PTPN2: variants seen among roughly 807,000 people sequenced by gnomAD.
PTPN2 encodes tyrosine-protein phosphatase non-receptor type 2.
A neutral mutation model predicts 57.3 loss-of-function variants in PTPN2; 19 were observed. That is an observed-to-expected ratio of 0.33 (90% confidence interval 0.23 to 0.49). The LOEUF (loss-of-function observed/expected upper bound fraction) is 0.49, where lower values mean the gene tolerates loss of function less well. PTPN2 is among the 20% of genes least tolerant of loss of function. PTPN2 has a pLI of 0.99. For synonymous variants in PTPN2, 153 were observed against 164.9 expected (o/e 0.93, Z 0.55); for missense variants, 358 against 501.1 (o/e 0.71, Z 2.73).
intron 5 of PTPN2, chr18:12,819,162 A>T: frequency 1.3e-6 from 1 of 790,192 alleles, no homozygotes; most frequent in Non-Finnish European, 1.9e-6. Context: ...TCAGTATATA[A>T]GGTATAATAC....
At chr18:12,871,397 A>G (rs192669705) in intron 1 of PTPN2, among the ~76,000 whole-genome samples, 5 of 152,294 alleles carry the variant, frequency 3.3e-5, no homozygotes, top group African/African-American at 1.2e-4. Flanking sequence ...TTATAGTCAT[A>G]ATTTGAAATT....
intron 1 of PTPN2, among the ~76,000 whole-genome samples, chr18:12,859,787 T>A (rs187039834): frequency 3.3e-5 from 5 of 152,274 alleles, no homozygotes; most frequent in Admixed American, 1.3e-4. Flanking sequence ...CCCAGAAATA[T>A]CCTCAAATTT....
chr18:12,814,769 A>G (rs2042011002), intron 6 of PTPN2, among the ~76,000 whole-genome samples: 1 of 151,846 alleles, frequency 6.6e-6, no homozygotes. Context: ...TACAGACACG[A>G]TGTCTGGATA....
rs2043246283 is a variant in PTPN2, at chr18:12,847,387, G to C, written c.161-10496C>G. 2.6e-5 allele frequency among the ~76,000 whole-genome samples: 4 copies of C among 152,084 alleles called. No homozygotes were observed. In the South Asian group the frequency reaches 8.3e-4, roughly 31 times the overall value. On this transcript the variant is annotated intron_variant, in intron 2 of 8. Transcript: ENST00000309660. ...CATGAACCCTAGTTCTATATTTTGG[G>C]CTTAACACAGGATAAAGAACTCTTT... is the stretch of plus-strand genomic sequence containing the variant.
downstream of PTPN2, among the ~76,000 whole-genome samples, chr18:12,790,116 T>A (rs1043346695): frequency 2.0e-5 from 3 of 151,996 alleles, no homozygotes; most frequent in Non-Finnish European, 4.4e-5. Flanking sequence ...CTTTTTTTTT[T>A]AAGTAGAGAC....
intron 7 of PTPN2, among the ~76,000 whole-genome samples, chr18:12,810,669 T>C (rs1208667694): frequency 6.6e-6 from 1 of 152,186 alleles, no homozygotes; most frequent in Non-Finnish European, 1.5e-5. Flanking sequence ...TTCTACAGTT[T>C]GTTGTGTTTG....
intron 1 of PTPN2, chr18:12,863,447 A>C (rs2043881921): frequency 6.7e-6 from 1 of 149,766 alleles, no homozygotes; most frequent in African/African-American, 2.4e-5. Context: ...CAACAGAGTA[A>C]GGCCCTGTTA....
At chr18:12,883,795 C>A in intron 1 of PTPN2, 1 of 315,160 alleles carries the variant, frequency 3.2e-6, no homozygotes, top group Non-Finnish European at 5.8e-6. Context: ...ACGCGCTCCC[C>A]AAGAAGCCGC....
At chr18:12,868,974 A>C (rs1354009706) in intron 1 of PTPN2, 1 of 151,992 alleles carries the variant, frequency 6.6e-6, no homozygotes, top group Non-Finnish European at 1.5e-5. Context: ...ACATGGCAAA[A>C]CCCTGTCTCT....
At chr18:12,840,651 T>G (rs573967779) in intron 2 of PTPN2, 1 of 1,559,318 alleles carries the variant, frequency 6.4e-7, no homozygotes, top group African/African-American at 1.3e-5. Flanking sequence ...AGTCAAGTCA[T>G]CACAAGTGTA....
chr18:12,873,816 C>T (rs1318521739), intron 1 of PTPN2, among the ~76,000 whole-genome samples: 12 of 152,106 alleles, frequency 7.9e-5, no homozygotes, highest in Admixed American at 5.9e-4. Flanking sequence ...CATCTCTGCC[C>T]GGCCGCCATC....
At chr18:12,857,882 T>C (rs536953597) in intron 2 of PTPN2, among the ~76,000 whole-genome samples, 51 of 152,364 alleles carry the variant, frequency 3.3e-4, no homozygotes, top group Middle Eastern at 3.4e-3. Context: ...TAGTATTTAA[T>C]AGTAATTTAT....
intron 4 of PTPN2, among the ~76,000 whole-genome samples, chr18:12,829,214 G>C (rs2042581842): frequency 6.6e-6 from 1 of 151,092 alleles, no homozygotes; most frequent in Non-Finnish European, 1.5e-5. Flanking sequence ...ACTATTAAAG[G>C]TTTGTTAAAA....
chr18:12,802,708 T>C (rs1244308335), intron 7 of PTPN2, among the ~76,000 whole-genome samples: 3 of 151,938 alleles, frequency 2.0e-5, no homozygotes, highest in Non-Finnish European at 2.9e-5. Flanking sequence ...GAACAGACTG[T>C]AGAGAATGGG....
intron 7 of PTPN2, among the ~76,000 whole-genome samples, chr18:12,807,626 T>TA (rs201457577): frequency 0.016 from 1,651 of 105,398 alleles, 44 homozygotes; most frequent in African/African-American, 0.048. Flanking sequence ...ATTTGGCCAT[T>TA]AAAAAAAAAA....
At chr18:12,805,725 G>A (rs932127109) in intron 7 of PTPN2, among the ~76,000 whole-genome samples, 1 of 150,574 alleles carries the variant, frequency 6.6e-6, no homozygotes, top group African/African-American at 2.4e-5. Context: ...TGCCTCCCAG[G>A]TTCAAGCGAT....
At chr18:12,811,558 C>T (rs557739018) in intron 7 of PTPN2, among the ~76,000 whole-genome samples, 1 of 152,272 alleles carries the variant, frequency 6.6e-6, no homozygotes, top group African/African-American at 2.4e-5. Flanking sequence ...TTTGCCATGG[C>T]TATGTTCAGC....
intron 1 of PTPN2, chr18:12,862,431 T>C (rs2043845851): frequency 6.6e-6 from 1 of 152,460 alleles, no homozygotes. Flanking sequence ...AGTGCTGGAA[T>C]TACAGGCGTG....
At chr18:12,853,959 C>T (rs143773112) in intron 2 of PTPN2, among the ~76,000 whole-genome samples, 1 of 152,192 alleles carries the variant, frequency 6.6e-6, no homozygotes, top group African/African-American at 2.4e-5. Context: ...GAAGTGGGAA[C>T]AGAAGGGAAA....
Sources: allele counts gnomAD v4.1 joint callset (sites outside exome capture counted in the v4.1 genomes callset), GRCh38; gene constraint gnomAD v4.1.1; transcripts MANE v1.5; gene names NCBI Gene and HGNC (gene_info 2026-07-23, HGNC 2026-07-21).